Variants in CENPP observed in about 807,000 individuals in gnomAD.
CENPP encodes centromere protein P.
CENPP carries 24 observed loss-of-function variants against 35.6 expected under a neutral mutation model. That is an observed-to-expected ratio of 0.67 (90% CI 0.49 to 0.95). CENPP has a LOEUF of 0.95. Ranked by LOEUF, CENPP falls within the 40% of genes least tolerant of loss-of-function variation. CENPP has a pLI of 0.00. For synonymous variants in CENPP, 120 were observed against 125.5 expected, an observed-to-expected ratio of 0.96 and a Z score of 0.29; for missense variants, 332 against 345.3, an observed-to-expected ratio of 0.96 and a Z score of 0.31.
At chr9:92,575,888 G>A (rs867381805) in intron 5 of CENPP, among the ~76,000 whole-genome samples, 9 of 151,990 alleles carry the variant, frequency 5.9e-5, no homozygotes, top group Non-Finnish European at 7.4e-5. Context: ...AATTAGAACC[G>A]TTGCGCGCTG....
intron 5 of CENPP, among the ~76,000 whole-genome samples, chr9:92,538,190 TATAG>T (rs1429925231): frequency 1.3e-5 from 2 of 152,190 alleles, no homozygotes; most frequent in African/African-American, 2.4e-5. Flanking sequence ...CCCAGTTGTG[TATAG>T]ATAGAGAACA....
chr9:92,349,406 T>A lies in CENPP; in HGVS notation c.467+3619T>A, dbSNP rs577497890. ...ATAGCATATTATATATACTTTTTTT[T>A]TTATTTTTTTTTTTTTGAGACGGAG... On this transcript the variant is annotated intron_variant, in intron 4 of 7. Transcript: ENST00000375587. 1.5e-4 allele frequency among the ~76,000 whole-genome samples: 22 copies of A among 151,678 alleles called. No individual in the cohort carries two copies. The South Asian group carries it at 2.7e-3, about 19-fold the overall frequency.
At chr9:92,404,451 C>T (rs1213576019) in intron 5 of CENPP, 2 of 1,206,444 alleles carry the variant, frequency 1.7e-6, no homozygotes, top group African/African-American at 3.2e-5. Context: ...GTCAGTCGCA[C>T]TTTAACAAAC....
At chr9:92,365,155 A>G (rs1841854998) in intron 4 of CENPP, among the ~76,000 whole-genome samples, 2 of 152,202 alleles carry the variant, frequency 1.3e-5, no homozygotes. Flanking sequence ...AATAAACAAA[A>G]CAGATATGTA....
At chr9:92,329,142 AT>A (rs1378741541) in intron 1 of CENPP, among the ~76,000 whole-genome samples, 1 of 147,586 alleles carries the variant, frequency 6.8e-6, no homozygotes, top group African/African-American at 2.5e-5. Context: ...TTGCTGTGAC[AT>A]TTGGTGTTCA....
At chr9:92,473,714 G>A (rs573210549) in intron 5 of CENPP, among the ~76,000 whole-genome samples, 11 of 152,070 alleles carry the variant, frequency 7.2e-5, no homozygotes, top group Admixed American at 2.0e-4. Context: ...AGTCTAGCTC[G>A]TATTAGTCTC....
Position 92,609,740 on chromosome 9 carries a change from G to A in CENPP, c.565-1574G>A, listed in dbSNP as rs527851035. On this transcript the variant is annotated intron_variant, in intron 5 of 7. Coordinates refer to ENST00000375587, the MANE Select transcript of CENPP (RefSeq NM_001012267.3). ...GACAAAAAGACATTTTTGTGTGTGT[G>A]TGTTTTTGTTTTTGAGATGGAGTTT... is the stretch of plus-strand genomic sequence containing the variant. Among the ~76,000 whole-genome samples, 3 of 152,358 alleles carry A rather than the reference G, an allele frequency of 2.0e-5. No individual in the cohort carries two copies. In the South Asian group the frequency reaches 6.2e-4, roughly 32 times the overall value.
intron 5 of CENPP, among the ~76,000 whole-genome samples, chr9:92,529,884 G>A (rs1182843978): frequency 6.6e-6 from 1 of 152,168 alleles, no homozygotes; most frequent in African/African-American, 2.4e-5. Flanking sequence ...TATATCACAG[G>A]TTCTGCATCT....
At chr9:92,417,979 C>T (rs143335477) in intron 5 of CENPP, among the ~76,000 whole-genome samples, 4,718 of 152,274 alleles carry the variant, frequency 0.031, 114 homozygotes, top group South Asian at 0.084. Context: ...CCTCTGGCCT[C>T]GGCCTCCCAA....
intron 5 of CENPP, among the ~76,000 whole-genome samples, chr9:92,571,385 C>T (rs1263250382): frequency 7.2e-5 from 11 of 152,136 alleles, no homozygotes; most frequent in Admixed American, 2.0e-4. Context: ...TGTAGTTGAG[C>T]GGTTTTGAGT....
intron 4 of CENPP, among the ~76,000 whole-genome samples, chr9:92,364,009 C>T (rs930655676): frequency 3.3e-5 from 5 of 151,910 alleles, no homozygotes; most frequent in Admixed American, 3.3e-4. Context: ...CCACCATGCC[C>T]AGCTAATTTT....
chr9:92,336,739 A>C (rs1168024918), intron 2 of CENPP, among the ~76,000 whole-genome samples: 3 of 152,212 alleles, frequency 2.0e-5, no homozygotes, highest in African/African-American at 7.2e-5. Flanking sequence ...GTATGATCTC[A>C]GTGGTAGTTA....
chr9:92,343,682 A>G (rs1405617132), intron 3 of CENPP, among the ~76,000 whole-genome samples: 1 of 152,226 alleles, frequency 6.6e-6, no homozygotes, highest in African/African-American at 2.4e-5. Context: ...ACATTGGCTC[A>G]CGCCTATAAT....
chr9:92,404,960 G>A (rs970733175), intron 5 of CENPP, among the ~76,000 whole-genome samples: 17 of 152,168 alleles, frequency 1.1e-4, no homozygotes, highest in African/African-American at 3.6e-4. Flanking sequence ...TTAATTTTAT[G>A]AGGATTAAAA....
intron 5 of CENPP, among the ~76,000 whole-genome samples, chr9:92,582,160 C>G (rs1479788467): frequency 6.6e-6 from 1 of 152,030 alleles, no homozygotes; most frequent in African/African-American, 2.4e-5. Context: ...CTCAAGTAAT[C>G]CTCCCACCTC....
chr9:92,337,843 A>G (rs41277739), intron 3 of CENPP, among the ~76,000 whole-genome samples: 4,659 of 152,308 alleles, frequency 0.031, 111 homozygotes, highest in South Asian at 0.08. Flanking sequence ...TGAAAGCCAA[A>G]GGTGCTTTAT....
At chr9:92,497,773 G>A (rs1255653147) in intron 5 of CENPP, among the ~76,000 whole-genome samples, 1 of 151,580 alleles carries the variant, frequency 6.6e-6, no homozygotes, top group Admixed American at 6.6e-5. Context: ...AGGTGTTTGG[G>A]TCATGGGGGG....
chr9:92,578,844 C>T (rs1850349365), intron 5 of CENPP, among the ~76,000 whole-genome samples: 1 of 152,134 alleles, frequency 6.6e-6, no homozygotes, highest in African/African-American at 2.4e-5. Context: ...GTTGCCATTG[C>T]TTTTGGTGTT....
intron 5 of CENPP, chr9:92,512,148 T>A (rs776796835): frequency 2.6e-6 from 4 of 1,566,822 alleles, no homozygotes; most frequent in Non-Finnish European, 3.5e-6. Flanking sequence ...AGCGGTTATG[T>A]TTTAGGCATG....
Sources: allele counts gnomAD v4.1 joint callset (sites outside exome capture counted in the v4.1 genomes callset), GRCh38; gene constraint gnomAD v4.1.1; transcripts MANE v1.5; gene names NCBI Gene and HGNC (gene_info 2026-07-23, HGNC 2026-07-21).